Variants in DPP10 observed in about 807,000 individuals in gnomAD.
The protein encoded by DPP10 is inactive dipeptidyl peptidase 10.
Under a neutral mutation model 120.9 loss-of-function variants are expected in DPP10, and 33 were observed. The observed-to-expected ratio is 0.27, with a 90% confidence interval of 0.21 to 0.37. DPP10 has a LOEUF of 0.37. Ranked by LOEUF, DPP10 falls within the 10% of genes least tolerant of loss-of-function variation. DPP10 has a pLI of 1.00. For missense variants in DPP10, 816 were observed against 942.8 expected (o/e 0.87, Z 1.76); for synonymous variants, 337 against 326.1 (o/e 1.03, Z -0.36).
At chr2:115,276,682 A>G (rs562634762) in intron 1 of DPP10, among the ~76,000 whole-genome samples, 28 of 152,330 alleles carry the variant, frequency 1.8e-4, no homozygotes, top group African/African-American at 5.5e-4. Context: ...AAGATATCCA[A>G]TGAGATACAA....
chr2:114,884,535 CCT>C (rs960983152), intron 1 of DPP10, among the ~76,000 whole-genome samples: 1 of 152,132 alleles, frequency 6.6e-6, no homozygotes, highest in African/African-American at 2.4e-5. Context: ...GACTCTTACT[CCT>C]CTGTCTCCCC....
intron 7 of DPP10, among the ~76,000 whole-genome samples, chr2:115,705,893 A>G (rs773914297): frequency 2.6e-5 from 4 of 151,892 alleles, no homozygotes. Context: ...GAGATCAGGA[A>G]AATCAATACC....
At position 115,832,310 on chromosome 2, in the gene DPP10, C is replaced by T. The variant is rs150133690; in HGVS notation, c.1951-3847C>T. On this transcript the variant is annotated intron_variant, in intron 21 of 25. Transcript: ENST00000410059. ...TCAAGACCAGCCTGGGCAGCCATGG[C>T]AAAACCTATCTGTACAAATAAATAC... Among the ~76,000 whole-genome samples the T allele has an allele frequency of 4.8e-3, 736 of 152,160 alleles. 10 individuals carry two copies. The highest frequency in any genetic ancestry group is 0.017 in the African/African-American group (692 of 41,520).
chr2:114,701,058 C>A (rs1178139391), intron 1 of DPP10, among the ~76,000 whole-genome samples: 1 of 151,832 alleles, frequency 6.6e-6, no homozygotes. Flanking sequence ...GGTTTTTCTC[C>A]TTGGTTAGGA....
At chr2:115,480,117 A>AC (rs1343137889) in intron 3 of DPP10, among the ~76,000 whole-genome samples, 1 of 152,056 alleles carries the variant, frequency 6.6e-6, no homozygotes, top group African/African-American at 2.4e-5. Flanking sequence ...GGCAGCTATT[A>AC]AAATTTTCAC....
At chr2:114,916,039 A>C (rs1251856044) in intron 1 of DPP10, among the ~76,000 whole-genome samples, 1 of 152,066 alleles carries the variant, frequency 6.6e-6, no homozygotes, top group Non-Finnish European at 1.5e-5. Flanking sequence ...AGATAAAAAA[A>C]AAGTTGATGT....
chr2:115,468,957 C>CTTTT, intron 3 of DPP10: 2 of 183,106 alleles, frequency 1.1e-5, no homozygotes, highest in Non-Finnish European at 1.1e-5. Context: ...TTCATAGATA[C>CTTTT]TTTTTTTTTT....
At chr2:114,570,924 T>C (rs1689595032) in intron 1 of DPP10, among the ~76,000 whole-genome samples, 1 of 151,152 alleles carries the variant, frequency 6.6e-6, no homozygotes, top group Non-Finnish European at 1.5e-5. Context: ...GGATGGACTA[T>C]ATAAACTCTG....
At chr2:115,167,617 A>AT (rs1232741986) in intron 1 of DPP10, among the ~76,000 whole-genome samples, 1 of 151,698 alleles carries the variant, frequency 6.6e-6, no homozygotes, top group Non-Finnish European at 1.5e-5. Flanking sequence ...AAAAAAAAAA[A>AT]AAAAAAAGCC....
At chr2:114,506,838 A>G (rs1344537054) in intron 1 of DPP10, among the ~76,000 whole-genome samples, 7 of 152,112 alleles carry the variant, frequency 4.6e-5, no homozygotes, top group Admixed American at 3.3e-4. Context: ...CTCCTATGAT[A>G]CAAACAATTG....
At chr2:114,454,894 T>G (rs1678479700) in intron 1 of DPP10, among the ~76,000 whole-genome samples, 1 of 152,156 alleles carries the variant, frequency 6.6e-6, no homozygotes, top group African/African-American at 2.4e-5. Context: ...CAAGGCAGCC[T>G]CTCATTTGTC....
At chr2:115,512,889 G>A (rs977578738) in intron 4 of DPP10, among the ~76,000 whole-genome samples, 1 of 151,928 alleles carries the variant, frequency 6.6e-6, no homozygotes, top group African/African-American at 2.4e-5. Context: ...CTGTCTGTAA[G>A]ATCTTTTTGC....
At chr2:114,755,270 A>G (rs969312153) in intron 1 of DPP10, among the ~76,000 whole-genome samples, 1 of 152,192 alleles carries the variant, frequency 6.6e-6, no homozygotes, top group Non-Finnish European at 1.5e-5. Flanking sequence ...ATTAGACTAG[A>G]AAGTGGTTAC....
At chr2:114,496,583 A>C in intron 1 of DPP10, among the ~76,000 whole-genome samples, 1 of 152,040 alleles carries the variant, frequency 6.6e-6, no homozygotes, top group South Asian at 2.1e-4. Context: ...TCCCATTCAT[A>C]AGGGCTCCAT....
intron 3 of DPP10, among the ~76,000 whole-genome samples, chr2:115,407,793 G>A (rs766751439): frequency 6.6e-6 from 1 of 152,148 alleles, no homozygotes; most frequent in Admixed American, 6.5e-5. Context: ...CCAGTTTGGA[G>A]GATGCATATG....
chr2:114,960,446 A>C (rs528520936), intron 1 of DPP10, among the ~76,000 whole-genome samples: 1 of 151,598 alleles, frequency 6.6e-6, no homozygotes, highest in Non-Finnish European at 1.5e-5. Context: ...AAACCAAAAA[A>C]TTGGGATACT....
At chr2:115,715,006 G>GCAACA (rs1471714177) in intron 7 of DPP10, among the ~76,000 whole-genome samples, 1 of 136,666 alleles carries the variant, frequency 7.3e-6, no homozygotes. Context: ...TCCAGCCTGG[G>GCAACA]AGACAGAGCA....
At chr2:115,490,737 A>G (rs1386601978) in intron 3 of DPP10, among the ~76,000 whole-genome samples, 1 of 152,208 alleles carries the variant, frequency 6.6e-6, no homozygotes, top group Non-Finnish European at 1.5e-5. Context: ...TTGTAACATT[A>G]TGAAAGTAGG....
chr2:114,851,572 A>C (rs1460407453), intron 1 of DPP10, among the ~76,000 whole-genome samples: 1 of 152,232 alleles, frequency 6.6e-6, no homozygotes. Flanking sequence ...AAAATCTTAC[A>C]CTTAAGATTC....
Sources: gnomAD v4.1 joint callset for allele counts (sites outside exome capture counted in the v4.1 genomes callset) on GRCh38, gnomAD v4.1.1 for gene constraint, MANE v1.5 for transcripts, NCBI Gene and HGNC (gene_info 2026-07-23, HGNC 2026-07-21) for gene names.